Variants in THUMPD3 observed in about 807,000 individuals in gnomAD.
THUMPD3 encodes THUMP domain 3 tRNA guanosine methyltransferase, also known as tRNA (guanine(6)-N(2))-methyltransferase THUMP3.
A neutral mutation model predicts 54.5 loss-of-function variants in THUMPD3; 44 were observed. That is an observed-to-expected ratio of 0.81 (90% CI 0.63 to 1.04). The LOEUF (loss-of-function observed/expected upper bound fraction) is 1.04, where lower values mean the gene tolerates loss of function less well. Among genes scored for constraint, THUMPD3 ranks in the 50% least tolerant of loss-of-function variants. The probability of loss-of-function intolerance (pLI) is 0.00; values close to 1 mark genes in which losing one functional copy is unlikely to be tolerated. For synonymous variants in THUMPD3, 196 were observed against 201.4 expected (o/e 0.97, Z 0.23); for missense variants, 604 against 601.3 (o/e 1.00, Z -0.05).
At chr3:9,379,504 T>G (rs1193981077) in intron 6 of THUMPD3, among the ~76,000 whole-genome samples, 1 of 152,200 alleles carries the variant, frequency 6.6e-6, no homozygotes, top group Non-Finnish European at 1.5e-5. Flanking sequence ...CCGGCTTTCG[T>G]GTCAGAAACC....
chr3:9,373,329 CAA>C (rs939031454), intron 4 of THUMPD3, among the ~76,000 whole-genome samples: 1 of 150,988 alleles, frequency 6.6e-6, no homozygotes, highest in Non-Finnish European at 1.5e-5. Context: ...CCTGTCTCTA[CAA>C]AAAATAAAAA....
chr3:9,383,145 G>A, intron 7 of THUMPD3, 54 bp from the exon 8 acceptor site: 8 of 1,276,222 alleles, frequency 6.3e-6, no homozygotes, highest in South Asian at 6.0e-5. Flanking sequence ...AAAAATTGTT[G>A]TAATAACTTT....
At chr3:9,377,955 A>T in intron 6 of THUMPD3, 67 bp downstream of exon 6, 2 of 1,251,134 alleles carry the variant, frequency 1.6e-6, no homozygotes, top group Admixed American at 1.7e-5. Flanking sequence ...CTAATGGGCA[A>T]ATTAGACATA....
rs374632265 is a variant in THUMPD3, at chr3:9,385,257, T to C, written c.*569T>C. On this transcript the variant is annotated 3_prime_UTR_variant, in exon 10 of 10. Transcript: ENST00000452837. ...CCTAGTGAAAAGCCTACTAAAGTGC[T>C]GTGAGATTGGGGTTTAGAACATTTT... is the stretch of plus-strand genomic sequence containing the variant. 2.6e-5 allele frequency: 4 copies of C among 152,752 alleles called. No individual in the cohort carries two copies. The East Asian group carries it at 5.8e-4, about 22-fold the overall frequency. The allele number at this position is 152,752 out of a possible 1,614,324, so 9.5% of individuals were successfully genotyped here. A position where few individuals can be genotyped will look rare whatever the true frequency, so the allele number is the denominator to read the frequency against.
intron 7 of THUMPD3, among the ~76,000 whole-genome samples, chr3:9,382,571 C>T (rs2033010312): frequency 6.6e-6 from 1 of 152,178 alleles, no homozygotes; most frequent in African/African-American, 2.4e-5. Flanking sequence ...TCTTCAGATA[C>T]ATCACCCCAT....
chr3:9,379,390 GAA>G (rs1559309482), intron 6 of THUMPD3, among the ~76,000 whole-genome samples: 1 of 152,126 alleles, frequency 6.6e-6, no homozygotes, highest in African/African-American at 2.4e-5. Flanking sequence ...CTGGGCAAAA[GAA>G]AAAGTTATGA....
At chr3:9,377,994 C>T (rs1314492289) in intron 6 of THUMPD3, 106 bp downstream of exon 6, 8 of 896,824 alleles carry the variant, frequency 8.9e-6, no homozygotes, top group Non-Finnish European at 1.4e-5. Context: ...GATCAGTGGA[C>T]CCAAGAGTTT....
rs960501712 is a variant in THUMPD3, at chr3:9,386,135, A to G, written c.*1447A>G. 1 of 152,250 alleles carries G rather than the reference A, an allele frequency of 6.6e-6. No individual in the cohort carries two copies. Among genetic ancestry groups the G allele is most frequent in the East Asian group, 1.9e-4 (1 of 5,204 alleles). 9.4% of individuals were successfully genotyped at this position (152,250 alleles called of 1,614,324 possible). A position where few individuals can be genotyped will look rare whatever the true frequency, so the allele number is the denominator to read the frequency against. On this transcript the variant is annotated 3_prime_UTR_variant, in exon 10 of 10. Transcript: ENST00000452837. The stretch of plus-strand genomic sequence containing the variant: ...ATTAGCAGCACAGCCAGCAATCCTC[A>G]TCTGGTTTCTCTGATCTCCTACCCC...
In THUMPD3 at chr3:9,374,378, A is replaced by C. The variant is rs1352372709; in HGVS notation, c.808-138A>C. The C allele has an allele frequency of 1.0e-5, 10 of 970,770 alleles. No homozygotes were observed. In the East Asian group the frequency reaches 2.2e-4, roughly 22 times the overall value. The allele number at this position is 970,770 out of a possible 1,614,324, so 60.1% of individuals were successfully genotyped here. ...AGGTGTCTGCACTAAGTTTGGCATCAATATGGTGACCTCCCAGGAGTAGGG... is the reference window on the plus strand; with the variant it reads ...AGGTGTCTGCACTAAGTTTGGCATCCATATGGTGACCTCCCAGGAGTAGGG... On this transcript the variant is annotated intron_variant, in intron 4 of 9. Transcript: ENST00000452837.
chr3:9,384,750 AGG>A lies in THUMPD3; in HGVS notation c.*63_*64del. ...AATGTTAGCATAAAAGAACTTGGAGAGGAAAAAAGTATTAACAAAACTGCAGT... is the reference window on the plus strand; with the variant it reads ...AATGTTAGCATAAAAGAACTTGGAGAAAAAAAGTATTAACAAAACTGCAGT... On this transcript the variant is annotated 3_prime_UTR_variant, in exon 10 of 10. Transcript: ENST00000452837. The A allele has an allele frequency of 1.3e-6, 2 of 1,593,506 alleles. No homozygotes were observed. The highest frequency in any genetic ancestry group is 1.7e-5 in the Admixed American group (1 of 58,700).
chr3:9,374,788 C>G, intron 5 of THUMPD3, 142 bp downstream of exon 5: 1 of 973,752 alleles, frequency 1.0e-6, no homozygotes, highest in Non-Finnish European at 1.5e-6. Context: ...AGCTAATGAT[C>G]TATTTCTTTC....
chr3:9,368,503 T>C (rs1412131008), intron 3 of THUMPD3, among the ~76,000 whole-genome samples: 3 of 151,658 alleles, frequency 2.0e-5, no homozygotes, highest in Admixed American at 6.6e-5. Flanking sequence ...GCTGGGACTA[T>C]AGGCATATGC....
At chr3:9,370,498 G>A (rs75474119) in intron 3 of THUMPD3, among the ~76,000 whole-genome samples, 3,082 of 152,284 alleles carry the variant, frequency 0.02, 100 homozygotes, top group Admixed American at 0.09. Flanking sequence ...AAGCTGGAGT[G>A]CATTGGCGTG....
In THUMPD3 at chr3:9,384,291, G is replaced by A. The variant is rs749510467; in HGVS notation, c.1315G>A (p.Gly439Ser). Residue 439 changes from glycine to serine, a missense_variant, in exon 9 of 10, where the codon GGC (glycine) becomes AGC (serine). By Grantham distance (56) the Gly-to-Ser change is moderately conservative. Transcript: ENST00000452837. The part of the protein sequence containing the change: ...EMSRVCTPTT[G>S]RAVLLTQDTK... ...GAGCCGTGTCTGCACACCTACCACA[G>A]GCCGAGCTGTACTACTTACTCAAGA... 3 of 1,614,172 alleles carry A rather than the reference G, an allele frequency of 1.9e-6. No individual in the cohort carries two copies. Among genetic ancestry groups the A allele is most frequent in the Non-Finnish European group, 2.5e-6 (3 of 1,180,038 alleles).
At chr3:9,368,596 C>T (rs2031765286) in intron 3 of THUMPD3, among the ~76,000 whole-genome samples, 1 of 152,106 alleles carries the variant, frequency 6.6e-6, no homozygotes, top group African/African-American at 2.4e-5. Flanking sequence ...CTCCTGACCT[C>T]GTGATCCACC....
intron 5 of THUMPD3, among the ~76,000 whole-genome samples, chr3:9,377,259 T>A (rs2032528999): frequency 1.3e-5 from 2 of 152,146 alleles, no homozygotes; most frequent in Admixed American, 1.3e-4. Context: ...CAAACTAAAT[T>A]TCATCTGAGA....
chr3:9,371,580 A>G (rs1286915055), intron 4 of THUMPD3, 44 bp downstream of exon 4: 1 of 1,486,316 alleles, frequency 6.7e-7, no homozygotes, highest in Admixed American at 1.9e-5. Flanking sequence ...ATGCTGTCAC[A>G]GATTTGTAGA....
intron 4 of THUMPD3, 137 bp downstream of exon 4, chr3:9,371,673 C>T (rs1197681537): frequency 3.9e-6 from 3 of 778,802 alleles, no homozygotes; most frequent in Non-Finnish European, 6.4e-6. Context: ...GCTATGGAGA[C>T]AGATTTAGAT....
chr3:9,376,322 C>T (rs991558879), intron 5 of THUMPD3, among the ~76,000 whole-genome samples: 4 of 152,140 alleles, frequency 2.6e-5, no homozygotes, highest in African/African-American at 9.7e-5. Flanking sequence ...TTTTATCTCC[C>T]CTTAGAGCCT....
Sources: gnomAD v4.1 joint callset for allele counts (sites outside exome capture counted in the v4.1 genomes callset) on GRCh38, gnomAD v4.1.1 for gene constraint, MANE v1.5 for transcripts, NCBI Gene and HGNC (gene_info 2026-07-23, HGNC 2026-07-21) for gene names.